The following HLCS variants were observed in gnomAD, a reference collection of about 807,000 sequenced individuals.
HLCS encodes the protein holocarboxylase synthetase, also known as biotin--protein ligase.
Under a neutral mutation model 75.0 loss-of-function variants are expected in HLCS, and 53 were observed. The observed-to-expected ratio is 0.71, with a 90% CI of 0.57 to 0.89. The LOEUF is 0.89. HLCS is among the 40% of genes least tolerant of loss of function. The pLI is 0.00. For missense variants in HLCS, 966 were observed against 1,074.0 expected (o/e 0.90, Z 1.41); for synonymous variants, 431 against 428.6 (o/e 1.01, Z -0.07).
intron 5 of HLCS, among the ~76,000 whole-genome samples, chr21:36,917,399 A>T (rs1006745626): frequency 2.0e-5 from 3 of 152,186 alleles, no homozygotes; most frequent in Non-Finnish European, 4.4e-5. Flanking sequence ...CCATCCCTCC[A>T]CAGACCCAGA....
rs2089984668 is a variant in HLCS at position 36,765,066 on chromosome 21, C to T, written c.2067G>A (p.Gln689=). The T allele has an allele frequency of 1.9e-6, 3 of 1,614,208 alleles. No homozygotes were observed. The highest frequency in any genetic ancestry group is 1.6e-4 in the Middle Eastern group (1 of 6,062). The change falls in exon 8 of 11, where the codon CAG becomes CAA. Residue 689 remains glutamine (Q), a synonymous_variant. Coordinates refer to ENST00000674895, the MANE Select transcript of HLCS (RefSeq NM_001352514.2). The stretch of plus-strand genomic sequence containing the variant: ...CCACGACAGCCACGGACATCAGATG[C>T]TGGACAAACGGGATCCTCTGTCCCA... ...SQLGQRIPFV[Q]HLMSVAVVEA...
intron 5 of HLCS, among the ~76,000 whole-genome samples, chr21:36,924,635 G>A (rs2066322080): frequency 6.6e-6 from 1 of 152,126 alleles, no homozygotes; most frequent in African/African-American, 2.4e-5. Context: ...TCTCCCGGGG[G>A]CAAGGACTCC....
chr21:36,986,084 G>A (rs910780619), intron 1 of HLCS, among the ~76,000 whole-genome samples: 1 of 152,168 alleles, frequency 6.6e-6, no homozygotes, highest in Non-Finnish European at 1.5e-5. Context: ...AGTGTTGAGA[G>A]GTGGGTGATT....
rs1569149949 is a variant in HLCS at position 36,888,481 on chromosome 21, TA to T, written c.1892+8378del. Among the ~76,000 whole-genome samples, 695 of 127,304 alleles carry T rather than the reference TA, an allele frequency of 5.5e-3. 24 individuals are homozygous for T. The highest frequency in any genetic ancestry group is 8.3e-3 in the African/African-American group (270 of 32,336). 83.5% of individuals were successfully genotyped at this position (127,304 alleles called of 152,430 possible). On this transcript the variant is annotated intron_variant, in intron 6 of 10. Transcript: ENST00000674895. The stretch of plus-strand genomic sequence containing the variant: ...ATATATATATATATATATATATATA[TA>T]TATATATATATATATTTATTTATTT...
Position 36,791,987 on chromosome 21 carries a change from G to A in HLCS, c.1893-24702C>T, listed in dbSNP as rs532805690. On this transcript the variant is annotated intron_variant, in intron 6 of 10. Coordinates refer to ENST00000674895, the MANE Select transcript of HLCS (RefSeq NM_001352514.2). ...ACTGTGAAGCCATCAGAAAGGCAGC[G>A]GAAAAAAACCTCATGGCAGTTAGGT... Among the ~76,000 whole-genome samples, 112 of 152,166 alleles carry A rather than the reference G, an allele frequency of 7.4e-4. 1 individual carries two copies. The highest frequency in any genetic ancestry group is 5.2e-3 in the Admixed American group (80 of 15,282).
intron 6 of HLCS, among the ~76,000 whole-genome samples, chr21:36,831,858 G>T (rs56693235): frequency 0.04 from 6,111 of 152,096 alleles, 200 homozygotes; most frequent in African/African-American, 0.088. Context: ...TTTCAGAACT[G>T]GTTCTAAATC....
chr21:36,849,992 T>G (rs1034461427), intron 6 of HLCS, among the ~76,000 whole-genome samples: 10 of 152,192 alleles, frequency 6.6e-5, no homozygotes, highest in African/African-American at 2.4e-4. Flanking sequence ...TATACTTGAT[T>G]TTGTTCCTTT....
chr21:36,831,551 C>T (rs1362720856), intron 6 of HLCS, among the ~76,000 whole-genome samples: 1 of 152,050 alleles, frequency 6.6e-6, no homozygotes, highest in East Asian at 1.9e-4. Context: ...GGTGTGGTGG[C>T]ATGCACCTGT....
At chr21:36,844,354 C>T (rs1030670616) in intron 6 of HLCS, among the ~76,000 whole-genome samples, 7 of 151,968 alleles carry the variant, frequency 4.6e-5, no homozygotes, top group African/African-American at 7.3e-5. Context: ...GAGGGGGATT[C>T]GGCGGGCGAG....
chr21:36,818,175 C>T (rs2061717591), intron 6 of HLCS, among the ~76,000 whole-genome samples: 2 of 152,194 alleles, frequency 1.3e-5, no homozygotes, highest in East Asian at 1.9e-4. Flanking sequence ...GGAAAAAAGT[C>T]GGTGAGGGGG....
intron 2 of HLCS, among the ~76,000 whole-genome samples, chr21:36,957,543 T>G (rs946157068): frequency 2.0e-5 from 3 of 152,246 alleles, no homozygotes; most frequent in African/African-American, 7.2e-5. Flanking sequence ...TTCATGTGAT[T>G]TGACCTACTT....
chr21:36,917,051 C>A (rs1399696673), intron 5 of HLCS, among the ~76,000 whole-genome samples: 1 of 152,166 alleles, frequency 6.6e-6, no homozygotes, highest in African/African-American at 2.4e-5. Context: ...GTGAAGGCTC[C>A]ACAGGGCTTA....
chr21:36,820,599 C>A (rs186744869), intron 6 of HLCS, among the ~76,000 whole-genome samples: 248 of 152,384 alleles, frequency 1.6e-3, no homozygotes, highest in African/African-American at 5.8e-3. Flanking sequence ...TCAGTCCCCA[C>A]TGGACTTTGG....
intron 6 of HLCS, among the ~76,000 whole-genome samples, chr21:36,867,282 C>T (rs1017452476): frequency 1.3e-5 from 2 of 152,146 alleles, no homozygotes; most frequent in African/African-American, 4.8e-5. Flanking sequence ...CTAAACAAAG[C>T]GTAGCATGCT....
Position 36,750,973 on chromosome 21 carries a change from A to T in HLCS, c.*3273T>A, listed in dbSNP as rs977392005. On this transcript the variant is annotated 3_prime_UTR_variant, in exon 11 of 11. Transcript: ENST00000674895. ...TTAACTTTCGTTCTTTGGAGTAATA[A>T]TATTTCTCTTGTGTATGGCGCTGAA... The T allele has an allele frequency of 6.6e-6, 1 of 151,918 alleles. No individual in the cohort carries two copies. Among genetic ancestry groups the T allele is most frequent in the Non-Finnish European group, 1.5e-5 (1 of 68,010 alleles). The allele number at this position is 151,918 out of a possible 1,614,324, so 9.4% of individuals were successfully genotyped here. A position where few individuals can be genotyped will look rare whatever the true frequency, so the allele number is the denominator to read the frequency against.
intron 5 of HLCS, among the ~76,000 whole-genome samples, chr21:36,918,944 T>C (rs777158337): frequency 6.6e-6 from 1 of 152,258 alleles, no homozygotes; most frequent in Non-Finnish European, 1.5e-5. Flanking sequence ...TCTTTAAATA[T>C]GTCTAATTGG....
chr21:36,826,963 A>G, intron 6 of HLCS, among the ~76,000 whole-genome samples: 1 of 152,208 alleles, frequency 6.6e-6, no homozygotes, highest in East Asian at 1.9e-4. Flanking sequence ...AGGCAAAAGA[A>G]ACAAAGAAGA....
intron 1 of HLCS, among the ~76,000 whole-genome samples, chr21:36,988,075 T>A (rs55776054): frequency 0.26 from 39,511 of 152,084 alleles, 5,287 homozygotes; most frequent in South Asian, 0.35. Flanking sequence ...ATTTAGTTTT[T>A]CTTTTTAAAT....
chr21:36,895,836 C>T (rs2064990188), intron 6 of HLCS, among the ~76,000 whole-genome samples: 1 of 152,168 alleles, frequency 6.6e-6, no homozygotes, highest in Non-Finnish European at 1.5e-5. Flanking sequence ...AATTTTAACA[C>T]CGCACTGAGG....
Sources: allele counts gnomAD v4.1 joint callset (sites outside exome capture counted in the v4.1 genomes callset), GRCh38; gene constraint gnomAD v4.1.1; transcripts MANE v1.5; gene names NCBI Gene and HGNC (gene_info 2026-07-23, HGNC 2026-07-21).